Variants in ADD3 observed in about 807,000 individuals in gnomAD.
ADD3 encodes the protein adducin 3.
In ADD3, 25 loss-of-function variants were observed where a neutral mutation model predicts 80.2. The observed-to-expected ratio is 0.31, with a 90% confidence interval of 0.23 to 0.44. The LOEUF is 0.44. ADD3 is among the 20% of genes least tolerant of loss of function. ADD3 has a pLI of 1.00. For synonymous variants in ADD3, 284 were observed against 289.6 expected, an observed-to-expected ratio of 0.98 and a Z score of 0.20; for missense variants, 829 against 847.5, an observed-to-expected ratio of 0.98 and a Z score of 0.27.
intron 13 of ADD3, among the ~76,000 whole-genome samples, chr10:110,130,723 G>A (rs1852854843): frequency 6.6e-6 from 1 of 152,166 alleles, no homozygotes; most frequent in African/African-American, 2.4e-5. Context: ...GGGCATGGTG[G>A]TACACGCCTG....
chr10:110,073,170 T>A (rs1844980390), intron 1 of ADD3, among the ~76,000 whole-genome samples: 1 of 133,640 alleles, frequency 7.5e-6, no homozygotes, highest in Non-Finnish European at 1.5e-5. Context: ...CGAGACTGGG[T>A]CTAGCTCTGT....
chr10:110,008,377 G>C (rs1308922716), intron 1 of ADD3, 78 bp downstream of exon 1: 1 of 152,658 alleles, frequency 6.6e-6, no homozygotes, highest in Non-Finnish European at 1.5e-5. Context: ...GCGGGGGCTA[G>C]CACTGGGGAC....
chr10:110,060,821 A>G (rs914005), intron 1 of ADD3, among the ~76,000 whole-genome samples: 1 of 152,182 alleles, frequency 6.6e-6, no homozygotes, highest in African/African-American at 2.4e-5. Context: ...AATGACAATT[A>G]CCGTGTTCTA....
intron 2 of ADD3, 140 bp downstream of exon 2, chr10:110,100,988 G>T: frequency 1.5e-6 from 1 of 659,192 alleles, no homozygotes; most frequent in Non-Finnish European, 2.4e-6. Context: ...GTCTTTCAAA[G>T]GAGAAATGGA....
chr10:110,052,039 AG>A (rs1386165091), intron 1 of ADD3, among the ~76,000 whole-genome samples: 1 of 152,180 alleles, frequency 6.6e-6, no homozygotes, highest in Non-Finnish European at 1.5e-5. Context: ...GGGCTTCCCA[AG>A]GTGCTGTCTC....
chr10:110,112,587 C>T (rs889431328), intron 2 of ADD3, among the ~76,000 whole-genome samples, 190 bp from the exon 3 acceptor site: 3 of 152,102 alleles, frequency 2.0e-5, no homozygotes, highest in African/African-American at 7.2e-5. Flanking sequence ...GGTTTTCCCC[C>T]CTAAAAGCAA....
intron 5 of ADD3, among the ~76,000 whole-genome samples, chr10:110,118,094 A>G (rs1851012334): frequency 6.6e-6 from 1 of 150,510 alleles, no homozygotes; most frequent in Non-Finnish European, 1.5e-5. Flanking sequence ...GCTAGATTTA[A>G]ACAAAGTTCA....
intron 1 of ADD3, among the ~76,000 whole-genome samples, chr10:110,025,408 C>T (rs1854170799): frequency 6.6e-6 from 1 of 152,044 alleles, no homozygotes; most frequent in African/African-American, 2.4e-5. Context: ...TGGTAGCCAA[C>T]TTCTGCCTCC....
At chr10:110,007,129 A>G (rs1250982810), upstream of ADD3, among the ~76,000 whole-genome samples, 1 of 152,170 alleles carries the variant, frequency 6.6e-6, no homozygotes, top group African/African-American at 2.4e-5. Flanking sequence ...TGCGTGTTGC[A>G]AAGTTTGCCC....
chr10:110,101,451 T>C (rs1242867989), intron 2 of ADD3, among the ~76,000 whole-genome samples: 1 of 151,982 alleles, frequency 6.6e-6, no homozygotes, highest in Non-Finnish European at 1.5e-5. Flanking sequence ...CTAGGCAGCA[T>C]AGTGAATCCT....
At chr10:110,073,363 C>T (rs1277498122) in intron 1 of ADD3, among the ~76,000 whole-genome samples, 4 of 151,950 alleles carry the variant, frequency 2.6e-5, no homozygotes, top group East Asian at 1.9e-4. Flanking sequence ...AGGATGGTCT[C>T]GATCTCCTGA....
Position 110,063,737 on chromosome 10 carries a change from T to TTATATATATATATA in ADD3, c.-29-36855_-29-36842dup, listed in dbSNP as rs139871560. The stretch of plus-strand genomic sequence containing the variant: ...TGATGAATATGAATATATATATTCA[T>TTATATATATATATA]TATATATATATATATATATATATAT... On this transcript the variant is annotated intron_variant, in intron 1 of 14. Coordinates refer to ENST00000356080, the MANE Select transcript of ADD3 (RefSeq NM_016824.5). 2.1e-3 allele frequency among the ~76,000 whole-genome samples: 135 copies of TTATATATATATATA among 64,568 alleles called. 6 individuals carry two copies. The highest frequency in any genetic ancestry group is 2.9e-3 in the Non-Finnish European group (86 of 29,896). 42.4% of individuals were successfully genotyped at this position (64,568 alleles called of 152,430 possible). A position where few individuals can be genotyped will look rare whatever the true frequency, so the allele number is the denominator to read the frequency against.
intron 1 of ADD3, among the ~76,000 whole-genome samples, chr10:110,035,455 C>A (rs1041214475): frequency 6.6e-6 from 1 of 152,182 alleles, no homozygotes; most frequent in African/African-American, 2.4e-5. Flanking sequence ...TAACTGACTC[C>A]ATCAGGAAGC....
intron 11 of ADD3, 56 bp downstream of exon 11, chr10:110,126,001 T>G (rs1564665401): frequency 2.0e-6 from 3 of 1,522,926 alleles, no homozygotes; most frequent in Non-Finnish European, 2.7e-6. Context: ...TATGTTTAAA[T>G]CACCAGTGGT....
At chr10:110,008,516 G>A (rs1376626447) in intron 1 of ADD3, 1 of 152,462 alleles carries the variant, frequency 6.6e-6, no homozygotes, top group Non-Finnish European at 1.5e-5. Context: ...CCAGGCCAGA[G>A]GGGAGCGTAC....
At chr10:110,094,040 A>G (rs967229709) in intron 1 of ADD3, among the ~76,000 whole-genome samples, 9 of 152,158 alleles carry the variant, frequency 5.9e-5, no homozygotes, top group Non-Finnish European at 7.4e-5. Flanking sequence ...TCCCTTTGGT[A>G]TTTAGGTCAA....
chr10:110,076,626 A>G (rs1845402991), intron 1 of ADD3, among the ~76,000 whole-genome samples: 1 of 152,180 alleles, frequency 6.6e-6, no homozygotes, highest in Non-Finnish European at 1.5e-5. Context: ...GGCTGAAGTA[A>G]TGTTTTAGAA....
intron 1 of ADD3, among the ~76,000 whole-genome samples, chr10:110,087,422 C>T (rs151308257): frequency 1.6e-4 from 25 of 152,284 alleles, no homozygotes; most frequent in African/African-American, 5.1e-4. Context: ...ACAGTGTTTC[C>T]GCTATGATGG....
intron 1 of ADD3, among the ~76,000 whole-genome samples, chr10:110,074,501 C>T (rs1419187588): frequency 2.6e-5 from 4 of 151,332 alleles, no homozygotes; most frequent in South Asian, 4.2e-4. Context: ...GTGCAGCTGA[C>T]GTTGATTGGA....
Sources: allele counts gnomAD v4.1 joint callset (sites outside exome capture counted in the v4.1 genomes callset), GRCh38; gene constraint gnomAD v4.1.1; transcripts MANE v1.5; gene names NCBI Gene and HGNC (gene_info 2026-07-23, HGNC 2026-07-21).